Variants in ABCA9 observed in about 807,000 individuals in gnomAD.
ABCA9 encodes ATP-binding cassette sub-family A member 9.
A neutral mutation model predicts 205.3 loss-of-function variants in ABCA9; 183 were observed. The observed-to-expected ratio is 0.89, with a 90% confidence interval of 0.79 to 1.01. The LOEUF is 1.01. Ranked by LOEUF, ABCA9 falls within the 50% of genes least tolerant of loss-of-function variation. The pLI is 0.00. For missense variants in ABCA9, 1,805 were observed against 1,912.4 expected (o/e 0.94, Z 1.05); for synonymous variants, 651 against 683.3 (o/e 0.95, Z 0.74).
the ABCA9 span, among the ~76,000 whole-genome samples, chr17:69,072,110 C>G: frequency 6.6e-6 from 1 of 152,132 alleles, no homozygotes; most frequent in East Asian, 1.9e-4. Context: ...AAGACCAAAC[C>G]TACATTTTAT....
chr17:69,045,085 T>C, intron 4 of ABCA9, 87 bp downstream of exon 4: 1 of 1,064,838 alleles, frequency 9.4e-7, no homozygotes, highest in Non-Finnish European at 1.4e-6. Context: ...TATATGTTTG[T>C]GTAGTTTCAC....
chr17:69,045,172 CTGAA>C lies in ABCA9; in HGVS notation c.465_468del (p.His155GlnfsTer7). On this transcript the variant is annotated frameshift_variant and splice_region_variant, in exon 4 of 39. Transcript: ENST00000340001. LOFTEE classifies it high-confidence loss of function. ...AATTTTTTTCTTCTTCAAAAGTTAC[CTGAA>C]TGGTCTCTGTGCTCTTTCATCATGG... 2 of 1,609,570 alleles carry C rather than the reference CTGAA, an allele frequency of 1.2e-6. No homozygotes were observed. The highest frequency in any genetic ancestry group is 1.7e-6 in the Non-Finnish European group (2 of 1,178,540).
intron 23 of ABCA9, among the ~76,000 whole-genome samples, chr17:69,010,663 G>A (rs1028560053): frequency 6.6e-5 from 10 of 152,116 alleles, no homozygotes; most frequent in Non-Finnish European, 8.8e-5. Flanking sequence ...TGCAAATAAG[G>A]AAACCTATGG....
At chr17:69,037,940 CT>C (rs1169715084) in intron 6 of ABCA9, among the ~76,000 whole-genome samples, 8 of 152,128 alleles carry the variant, frequency 5.3e-5, no homozygotes, top group South Asian at 2.1e-4. Context: ...TAATAAACAC[CT>C]CTACGCAAAT....
chr17:69,043,139 G>A (rs1450255120), intron 6 of ABCA9: 2 of 178,524 alleles, frequency 1.1e-5, no homozygotes, highest in African/African-American at 5.1e-5. Flanking sequence ...GATCTCTTGA[G>A]TGACAGATCA....
rs867085876 is a variant in ABCA9, at chr17:69,020,480, GA to G, written c.2507del (p.Ile836ThrfsTer14). On this transcript the variant is annotated frameshift_variant, in exon 19 of 39. Coordinates refer to ENST00000340001, the MANE Select transcript of ABCA9 (RefSeq NM_080283.4). LOFTEE classifies it high-confidence loss of function. Reference protein sequence around the residue: ...LSSFHETRKTISGVALWRQQV... With the variant: ...LSSFHETRKTXSGVALWRQQV... ...GCTGCCTCCAGAGCGCCACGCCACT[GA>G]TTGTTTTCCTTGTTTCGTGGAAGGA... is the stretch of plus-strand genomic sequence containing the variant. The G allele has an allele frequency of 1.8e-5, 29 of 1,614,052 alleles. No individual in the cohort carries two copies. The highest frequency in any genetic ancestry group is 3.3e-5 in the Admixed American group (2 of 60,000).
At chr17:68,993,654 A>G (rs936425944) in intron 26 of ABCA9, among the ~76,000 whole-genome samples, 1 of 152,258 alleles carries the variant, frequency 6.6e-6, no homozygotes, top group Non-Finnish European at 1.5e-5. Flanking sequence ...TATATTTACC[A>G]ACAAGTTTCC....
chr17:69,014,645 A>ATGGT (rs2070516542), intron 22 of ABCA9, among the ~76,000 whole-genome samples: 1 of 152,142 alleles, frequency 6.6e-6, no homozygotes, highest in African/African-American at 2.4e-5. Flanking sequence ...GAAAAAAACA[A>ATGGT]TGGTATGATG....
At chr17:69,018,602 G>GA (rs759753437) in intron 19 of ABCA9, 23 bp from the exon 20 acceptor site, 21 of 1,525,232 alleles carry the variant, frequency 1.4e-5, no homozygotes, top group African/African-American at 5.8e-5. Context: ...AAATGTAAAA[G>GA]AAAAAAATAA....
intron 35 of ABCA9, 81 bp downstream of exon 35, chr17:68,983,975 T>C (rs780391836): frequency 1.4e-5 from 23 of 1,602,692 alleles, no homozygotes; most frequent in Non-Finnish European, 2.0e-5. Context: ...CTCCTCACGA[T>C]GGGTAGCCTG....
chr17:69,066,558 G>A, the ABCA9 span, among the ~76,000 whole-genome samples: 2 of 151,806 alleles, frequency 1.3e-5, no homozygotes, highest in African/African-American at 4.8e-5. Flanking sequence ...CAGGTGGAGT[G>A]CTGCTTTTTT....
In ABCA9 at chr17:68,989,204, G is replaced by C; in HGVS notation, c.3956-86C>G. On this transcript the variant is annotated intron_variant, in intron 30 of 38. Coordinates refer to ENST00000340001, the MANE Select transcript of ABCA9 (RefSeq NM_080283.4). ...ACCATTTGAGGGCTGTGTGTCAAGT[G>C]CTATGTGAAATGTGCTATATATATT... is the stretch of plus-strand genomic sequence containing the variant. 3.8e-6 allele frequency: 3 copies of C among 781,496 alleles called. No homozygotes were observed. The Admixed American group carries it at 5.8e-5, about 15-fold the overall frequency. 48.4% of individuals were successfully genotyped at this position (781,496 alleles called of 1,614,324 possible). A position where few individuals can be genotyped will look rare whatever the true frequency, so the allele number is the denominator to read the frequency against.
intron 8 of ABCA9, among the ~76,000 whole-genome samples, chr17:69,034,403 T>G (rs999079818): frequency 3.3e-5 from 5 of 151,988 alleles, no homozygotes; most frequent in Non-Finnish European, 5.9e-5. Context: ...TTTTTATTTG[T>G]GGAGATGGGG....
At chr17:69,035,198 CTG>C (rs756828995) in intron 8 of ABCA9, 46 bp downstream of exon 8, 2 of 1,348,858 alleles carry the variant, frequency 1.5e-6, no homozygotes, top group South Asian at 4.2e-5. Context: ...AAGAGGGAAT[CTG>C]TGTAGAACGG....
Position 69,008,213 on chromosome 17 carries a change from C to T in ABCA9, c.3170G>A (p.Arg1057Gln), listed in dbSNP as rs200739209. The stretch of plus-strand genomic sequence containing the variant: ...TGCAGAAGGGTAGAGGCCTGAAATC[C>T]GTAGCTGGGAATGAGCTTTTTTCTG... Reference protein sequence around the residue: ...DYKKKAHSQLRISGLYPSAYW... With the variant: ...DYKKKAHSQLQISGLYPSAYW... Residue 1057 changes from arginine to glutamine, a missense_variant, in exon 24 of 39, where the codon CGG becomes CAG. Physicochemically the swap from Arg to Gln is conservative, Grantham distance 43. Coordinates refer to ENST00000340001, the MANE Select transcript of ABCA9 (RefSeq NM_080283.4). 68 of 1,613,126 alleles carry T rather than the reference C, an allele frequency of 4.2e-5. No individual in the cohort carries two copies. The highest frequency in any genetic ancestry group is 4.5e-5 in the East Asian group (2 of 44,874).
chr17:68,980,539 T>A (rs1367065159), intron 37 of ABCA9, among the ~76,000 whole-genome samples: 1 of 152,080 alleles, frequency 6.6e-6, no homozygotes, highest in Non-Finnish European at 1.5e-5. Context: ...CCAACCCACA[T>A]GTCCAACAAT....
chr17:69,016,859 T>C (rs1219961015), intron 21 of ABCA9, among the ~76,000 whole-genome samples: 2 of 152,124 alleles, frequency 1.3e-5, no homozygotes, highest in African/African-American at 4.8e-5. Flanking sequence ...ATAACGTGTG[T>C]GTGTGTGTGT....
At chr17:68,998,319 T>C (rs2069706665) in intron 25 of ABCA9, among the ~76,000 whole-genome samples, 1 of 152,228 alleles carries the variant, frequency 6.6e-6, no homozygotes, top group Non-Finnish European at 1.5e-5. Flanking sequence ...ATTTTATATT[T>C]GATTATGTCT....
chr17:68,985,173 T>G, intron 32 of ABCA9, 45 bp from the exon 33 acceptor site: 1 of 1,613,446 alleles, frequency 6.2e-7, no homozygotes. Flanking sequence ...CACTGGCGAA[T>G]GTACATGGGA....
Sources: allele counts gnomAD v4.1 joint callset (sites outside exome capture counted in the v4.1 genomes callset), GRCh38; gene constraint gnomAD v4.1.1; transcripts MANE v1.5; gene names NCBI Gene and HGNC (gene_info 2026-07-23, HGNC 2026-07-21).